Variants in CCDC85A observed in about 807,000 individuals in gnomAD.
CCDC85A encodes the protein coiled-coil domain containing 85A, also known as coiled-coil domain-containing protein 85A.
Under a neutral mutation model 50.2 loss-of-function variants are expected in CCDC85A, and 38 were observed. That is an observed-to-expected ratio of 0.76 (90% confidence interval 0.58 to 0.99). CCDC85A has a LOEUF of 0.99. Ranked by LOEUF, CCDC85A falls within the 50% of genes least tolerant of loss-of-function variation. The probability of loss-of-function intolerance (pLI) is 0.00; values close to 1 mark genes in which losing one functional copy is unlikely to be tolerated. For synonymous variants in CCDC85A, 366 were observed against 301.4 expected (o/e 1.21, Z -2.22); for missense variants, 820 against 742.0 (o/e 1.11, Z -1.22).
chr2:56,311,978 T>C (rs1370658405), intron 2 of CCDC85A, among the ~76,000 whole-genome samples: 1 of 152,122 alleles, frequency 6.6e-6, no homozygotes, highest in Non-Finnish European at 1.5e-5. Context: ...CCAGCTGTCC[T>C]TGGAAGCTCA....
At chr2:56,276,268 TGCTTTTTATTTTGCTTACTG>T (rs145334536) in intron 2 of CCDC85A, among the ~76,000 whole-genome samples, 39 of 150,472 alleles carry the variant, frequency 2.6e-4, no homozygotes, top group Non-Finnish European at 4.9e-4. Context: ...TATTTTTGAG[TGCTTTTTATTTTGCTTACTG>T]GCTTTTTATT....
rs570552861 is a variant in CCDC85A, at chr2:56,361,131, G to C, written c.1318-11213G>C. On this transcript the variant is annotated intron_variant, in intron 3 of 5. Coordinates refer to ENST00000407595, the MANE Select transcript of CCDC85A (RefSeq NM_001080433.2). ...TAGCCGGGCGTGGTGGCGGGTGCCT[G>C]TAGTCCCAGCTACTCGGGAGGCTGA... Among the ~76,000 whole-genome samples the C allele has an allele frequency of 2.0e-4, 31 of 152,268 alleles. No homozygotes were observed. The South Asian group carries it at 6.4e-3, about 32-fold the overall frequency.
chr2:56,188,517 G>A (rs1676149216), intron 1 of CCDC85A, among the ~76,000 whole-genome samples: 1 of 152,202 alleles, frequency 6.6e-6, no homozygotes, highest in Admixed American at 6.5e-5. Context: ...TCAAAGGGAA[G>A]TATTTTCCTA....
At chr2:56,211,579 A>G (rs1312533068) in intron 2 of CCDC85A, among the ~76,000 whole-genome samples, 1 of 152,016 alleles carries the variant, frequency 6.6e-6, no homozygotes, top group Non-Finnish European at 1.5e-5. Flanking sequence ...AGGAAAAATA[A>G]CTAAAACTAA....
At chr2:56,279,425 C>T (rs754102) in intron 2 of CCDC85A, among the ~76,000 whole-genome samples, 13,137 of 152,138 alleles carry the variant, frequency 0.086, 1,855 homozygotes, top group African/African-American at 0.3. Flanking sequence ...ATTTCTCCCC[C>T]TCCCACCACC....
chr2:56,268,559 C>T (rs1670555183), intron 2 of CCDC85A, among the ~76,000 whole-genome samples: 1 of 132,804 alleles, frequency 7.5e-6, no homozygotes. Flanking sequence ...TGCACCACTG[C>T]ATTCCAGCCT....
At chr2:56,319,302 C>T (rs889915375) in intron 2 of CCDC85A, among the ~76,000 whole-genome samples, 1 of 152,036 alleles carries the variant, frequency 6.6e-6, no homozygotes, top group Non-Finnish European at 1.5e-5. Context: ...CCACAGAGTA[C>T]ATACTGGAGC....
Position 56,192,929 on chromosome 2 carries a change from G to A in CCDC85A, c.729G>A (p.Glu243=), listed in dbSNP as rs1184749769. 2.5e-6 allele frequency: 4 copies of A among 1,613,064 alleles called. No individual in the cohort carries two copies. The African/African-American group carries it at 5.3e-5, about 22-fold the overall frequency. ...SPEHLQKPRS[E]GSPEHSKHRS... is the part of the protein sequence containing the mutation. ...AGCACCTGCAGAAGCCCCGGAGCGAGGGCAGCCCGGAGCACTCCAAGCACA... is the reference window on the plus strand; with the variant it reads ...AGCACCTGCAGAAGCCCCGGAGCGAAGGCAGCCCGGAGCACTCCAAGCACA... Residue 243 remains glutamate, a synonymous_variant, in exon 2 of 6, where the codon GAG becomes GAA. Transcript: ENST00000407595. The surrounding 1 kb of genome is among the most constrained non-coding windows in gnomAD (Gnocchi z 4.7).
intron 1 of CCDC85A, among the ~76,000 whole-genome samples, chr2:56,190,725 C>T (rs1217344607): frequency 1.3e-5 from 2 of 152,088 alleles, no homozygotes; most frequent in East Asian, 1.9e-4. Flanking sequence ...CCACCTTCTC[C>T]ACTGCTACCA....
At chr2:56,364,262 G>A (rs1282334863) in intron 3 of CCDC85A, among the ~76,000 whole-genome samples, 4 of 151,702 alleles carry the variant, frequency 2.6e-5, no homozygotes, top group Admixed American at 1.3e-4. Flanking sequence ...TTCTTCCTGG[G>A]GTTTGCCCTT....
intron 2 of CCDC85A, among the ~76,000 whole-genome samples, chr2:56,329,943 C>CTTTTTTTT (rs1336192523): frequency 0.012 from 268 of 22,824 alleles, 12 homozygotes; most frequent in Non-Finnish European, 0.017. Flanking sequence ...TACAGATTTC[C>CTTTTTTTT]TGTTTTTTTT....
chr2:56,209,694 G>A (rs768737531), intron 2 of CCDC85A, among the ~76,000 whole-genome samples: 4 of 152,058 alleles, frequency 2.6e-5, no homozygotes, highest in Non-Finnish European at 4.4e-5. Flanking sequence ...TTGCGATTTT[G>A]ACTTTGTGGA....
At chr2:56,335,749 C>G (rs994000090) in intron 2 of CCDC85A, among the ~76,000 whole-genome samples, 2 of 151,854 alleles carry the variant, frequency 1.3e-5, no homozygotes, top group African/African-American at 4.8e-5. Context: ...TTACAGGTGC[C>G]TGCCACCACG....
intron 2 of CCDC85A, among the ~76,000 whole-genome samples, chr2:56,285,534 A>G (rs1189834593): frequency 1.4e-5 from 2 of 146,632 alleles, no homozygotes; most frequent in Non-Finnish European, 3.0e-5. Flanking sequence ...ATGTAATTAT[A>G]TTATTTATAT....
At chr2:56,316,243 C>A (rs985362327) in intron 2 of CCDC85A, among the ~76,000 whole-genome samples, 2 of 152,146 alleles carry the variant, frequency 1.3e-5, no homozygotes. Context: ...CAGCTTTTAA[C>A]CATTAATCTC....
intron 2 of CCDC85A, among the ~76,000 whole-genome samples, chr2:56,263,628 A>G (rs1286977041): frequency 6.6e-6 from 1 of 152,192 alleles, no homozygotes; most frequent in Non-Finnish European, 1.5e-5. Flanking sequence ...GTGTCTGTAT[A>G]TATAAGAATA....
At chr2:56,349,920 G>T (rs553132446) in intron 3 of CCDC85A, among the ~76,000 whole-genome samples, 1 of 151,634 alleles carries the variant, frequency 6.6e-6, no homozygotes, top group South Asian at 2.1e-4. Flanking sequence ...AAAATTATGG[G>T]ACCCTATCAG....
In CCDC85A at chr2:56,356,624, C is replaced by G. The variant is rs114888998; in HGVS notation, c.1317+13669C>G. Among the ~76,000 whole-genome samples the G allele has an allele frequency of 8.2e-3, 1,231 of 150,760 alleles. 20 individuals carry two copies. Among genetic ancestry groups the G allele is most frequent in the African/African-American group, 0.029 (1,178 of 40,962 alleles). ...TGGCAGACACCTGTAATCTCAGCTA[C>G]TGAGGCAGGAGAATCACTTGAAACT... is the stretch of plus-strand genomic sequence containing the variant. On this transcript the variant is annotated intron_variant, in intron 3 of 5. Transcript: ENST00000407595.
chr2:56,312,718 G>T (rs1200190673), intron 2 of CCDC85A, among the ~76,000 whole-genome samples: 1 of 152,060 alleles, frequency 6.6e-6, no homozygotes, highest in East Asian at 1.9e-4. Context: ...GATTTTTAAG[G>T]ATTTTAACTT....
Sources: gnomAD v4.1 joint callset for allele counts (sites outside exome capture counted in the v4.1 genomes callset) on GRCh38, gnomAD v4.1.1 for gene constraint, Gnocchi (gnomAD v3.1) non-coding constraint, MANE v1.5 for transcripts, NCBI Gene and HGNC (gene_info 2026-07-23, HGNC 2026-07-21) for gene names.